The following ZNF484 variants were observed in gnomAD, a reference collection of about 807,000 sequenced individuals.
The protein encoded by ZNF484 is zinc finger protein 484.
A neutral mutation model predicts 12.9 loss-of-function variants in ZNF484; 11 were observed. The observed-to-expected ratio is 0.85, with a 90% CI of 0.54 to 1.41. The LOEUF (loss-of-function observed/expected upper bound fraction) is 1.41, where lower values mean the gene tolerates loss of function less well. Among genes scored for constraint, ZNF484 ranks in the 40% most tolerant of loss-of-function variants. ZNF484 has a pLI of 0.00. For missense variants in ZNF484, 807 were observed against 1,007.7 expected (o/e 0.80, Z 2.70); for synonymous variants, 289 against 334.1 (o/e 0.86, Z 1.47).
chr9:92,855,208 A>T (rs1220211219), intron 4 of ZNF484, among the ~76,000 whole-genome samples: 1 of 152,218 alleles, frequency 6.6e-6, no homozygotes, highest in African/African-American at 2.4e-5. Flanking sequence ...ATGAAAATAA[A>T]TAAATTAGAA....
rs949590824 is a variant in ZNF484, at chr9:92,844,506, C to T, written c.*1722G>A. 1.3e-4 allele frequency among the ~76,000 whole-genome samples: 20 copies of T among 152,108 alleles called. No individual in the cohort carries two copies. Among genetic ancestry groups the T allele is most frequent in the Admixed American group, 2.6e-4 (4 of 15,258 alleles). On this transcript the variant is annotated 3_prime_UTR_variant, in exon 5 of 5. Transcript: ENST00000375495. ...AGGATAAATACATGGAAAAATTACA[C>T]CTAGGCATATCAATGTGCAACAGTT...
At chr9:92,873,627 T>G (rs897011570) in intron 2 of ZNF484, among the ~76,000 whole-genome samples, 1 of 152,208 alleles carries the variant, frequency 6.6e-6, no homozygotes, top group African/African-American at 2.4e-5. Context: ...ACACAGTTTT[T>G]TCCAGAAAAC....
intron 2 of ZNF484, among the ~76,000 whole-genome samples, chr9:92,856,640 C>T (rs953412009): frequency 6.6e-6 from 1 of 152,180 alleles, no homozygotes. Context: ...TTACCTCACA[C>T]CCATCTGGAT....
chr9:92,849,334 T>C (rs1855916041), intron 4 of ZNF484, among the ~76,000 whole-genome samples: 2 of 151,908 alleles, frequency 1.3e-5, no homozygotes, highest in Admixed American at 6.6e-5. Flanking sequence ...CAAATGTACA[T>C]AAGTATTTTA....
At chr9:92,855,977 A>G in intron 3 of ZNF484, 74 bp from the exon 4 acceptor site, 4 of 1,537,574 alleles carry the variant, frequency 2.6e-6, no homozygotes, top group Non-Finnish European at 2.7e-6. Flanking sequence ...TTCCCAAAAA[A>G]GTTCACTGGG....
intron 1 of ZNF484, among the ~76,000 whole-genome samples, chr9:92,875,920 T>C (rs1244974497): frequency 6.6e-6 from 1 of 152,204 alleles, no homozygotes; most frequent in Non-Finnish European, 1.5e-5. Flanking sequence ...AAACTCTTCA[T>C]CTGCAGTACT....
In ZNF484 at chr9:92,847,341, A is replaced by G. The variant is rs1389935682; in HGVS notation, c.1446T>C (p.Asn482=). Residue 482 remains asparagine (N), a synonymous_variant, in exon 5 of 5, where the codon AAT becomes AAC. Transcript: ENST00000375495. ...TATGAATTTTCTGGTGTATAATGAG[A>G]TTTGTCTTGTGAGTGAAGACCTTCC... The part of the protein sequence containing the change: ...ECGKVFTHKT[N]LIIHQKIHTG... The G allele has an allele frequency of 1.2e-6, 2 of 1,613,528 alleles. No homozygotes were observed. The highest frequency in any genetic ancestry group is 1.7e-6 in the Non-Finnish European group (2 of 1,179,894).
chr9:92,846,556 C>T lies in ZNF484; in HGVS notation c.2231G>A (p.Gly744Glu). The T allele has an allele frequency of 6.2e-7, 1 of 1,613,988 alleles. No individual in the cohort carries two copies. The highest frequency in any genetic ancestry group is 8.5e-7 in the Non-Finnish European group (1 of 1,179,964). ...GTCACTGCATTCATAGGGTTTCTCTCCAGTATGAATTCTCCTGTGTCTATT... is the reference window on the plus strand; with the variant it reads ...GTCACTGCATTCATAGGGTTTCTCTTCAGTATGAATTCTCCTGTGTCTATT... ...HLNRHRRIHT[G>E]EKPYECSDCG... Residue 744 changes from glycine to glutamate, a missense_variant, in exon 5 of 5, where the codon GGA becomes GAA. Physicochemically the swap from Gly to Glu is moderately conservative, Grantham distance 98. Transcript: ENST00000375495.
chr9:92,849,804 T>C (rs929242065), intron 4 of ZNF484, among the ~76,000 whole-genome samples: 3 of 151,802 alleles, frequency 2.0e-5, no homozygotes, highest in Non-Finnish European at 4.4e-5. Context: ...CTCTCTCTTT[T>C]TTTTTTTTCT....
chr9:92,852,159 G>T (rs1244655126), intron 4 of ZNF484, among the ~76,000 whole-genome samples: 2 of 152,150 alleles, frequency 1.3e-5, no homozygotes, highest in Non-Finnish European at 2.9e-5. Flanking sequence ...AAGAGTAAAA[G>T]CCTCAGTTAT....
At chr9:92,862,899 A>C (rs1856856903) in intron 2 of ZNF484, among the ~76,000 whole-genome samples, 1 of 152,202 alleles carries the variant, frequency 6.6e-6, no homozygotes, top group Non-Finnish European at 1.5e-5. Flanking sequence ...CATTTGACCC[A>C]GCAATCCCAT....
Position 92,848,954 on chromosome 9 carries a change from TAAAA to T in ZNF484, c.236-407_236-404del, listed in dbSNP as rs951256703. Among the ~76,000 whole-genome samples the T allele has an allele frequency of 1.5e-5, 2 of 135,580 alleles. No homozygotes were observed. Among genetic ancestry groups the T allele is most frequent in the African/African-American group, 5.3e-5 (2 of 37,564 alleles). 88.9% of individuals were successfully genotyped at this position (135,580 alleles called of 152,430 possible). On this transcript the variant is annotated intron_variant, in intron 4 of 4. Transcript: ENST00000375495. The surrounding 1 kb of genome is among the most constrained non-coding windows in gnomAD (Gnocchi z 4.1). The stretch of plus-strand genomic sequence containing the variant: ...ATAAATAAATAAATAAATAAATAAA[TAAAA>T]ATACAATAGACCTTTGATTCAGGCC...
In ZNF484 at chr9:92,847,876, A is replaced by G; in HGVS notation, c.911T>C (p.Ile304Thr). 6.2e-7 allele frequency: 1 copy of G among 1,614,176 alleles called. No individual in the cohort carries two copies. Among genetic ancestry groups the G allele is most frequent in the Non-Finnish European group, 8.5e-7 (1 of 1,180,030 alleles). ...LDGSQRVYAG[I>T]CTEYEKDFSL... ...AAAATCCTTCTCATATTCAGTGCAT[A>G]TTCCTGCATAAACCCTCTGACTGCC... The change falls in exon 5 of 5, where the codon ATA (isoleucine) becomes ACA (threonine). Residue 304 changes from isoleucine to threonine, a missense_variant. Physicochemically the swap from Ile to Thr is moderately conservative, Grantham distance 89 (BLOSUM62 -1). Coordinates refer to ENST00000375495, the MANE Select transcript of ZNF484 (RefSeq NM_031486.4).
intron 2 of ZNF484, among the ~76,000 whole-genome samples, chr9:92,874,511 C>T (rs1587774152): frequency 1.3e-5 from 2 of 152,096 alleles, no homozygotes; most frequent in South Asian, 4.2e-4. Context: ...GGGGTTTCAC[C>T]TTGTTGGCCA....
intron 2 of ZNF484, among the ~76,000 whole-genome samples, chr9:92,861,287 GAAATC>G (rs2118038332): frequency 6.6e-6 from 1 of 152,208 alleles, no homozygotes; most frequent in South Asian, 2.1e-4. Context: ...AAGAAAATCT[GAAATC>G]AAATGAGAAA....
At chr9:92,870,863 C>T (rs1220579989) in intron 2 of ZNF484, among the ~76,000 whole-genome samples, 1 of 152,212 alleles carries the variant, frequency 6.6e-6, no homozygotes, top group Non-Finnish European at 1.5e-5. Flanking sequence ...TGAGGTGTCT[C>T]TCTCCCCACA....
intron 2 of ZNF484, among the ~76,000 whole-genome samples, chr9:92,874,310 C>CTTTTTTTTTTTTTTTTTT (rs34348573): frequency 7.3e-6 from 1 of 137,548 alleles, no homozygotes; most frequent in African/African-American, 2.7e-5. Context: ...TTCTTTCTTT[C>CTTTTTTTTTTTTTTTTTT]TTTTTTTTTT....
rs1855856264 is a variant in ZNF484 at position 92,848,582 on chromosome 9, A to G, written c.236-31T>C. On this transcript the variant is annotated intron_variant, in intron 4 of 4. Transcript: ENST00000375495. This position sits in a 1 kb window ranked among gnomAD's most constrained non-coding sequence, Gnocchi z 4.1. ...AAAGAAAGAAAAGATAAGACTGACA[A>G]AAAGAACAATTAACAGAAAATAAGG... 10 of 1,534,582 alleles carry G rather than the reference A, an allele frequency of 6.5e-6. No individual in the cohort carries two copies. The highest frequency in any genetic ancestry group is 2.3e-5 in the East Asian group (1 of 44,216).
Position 92,846,224 on chromosome 9 carries a change from C to T in ZNF484, c.*4G>A. The T allele has an allele frequency of 6.2e-7, 1 of 1,610,170 alleles. No individual in the cohort carries two copies. Among genetic ancestry groups the T allele is most frequent in the Non-Finnish European group, 8.5e-7 (1 of 1,178,296 alleles). ...CTATATGATCCAGATGTTCATAATT[C>T]TAACTAGATAGAAGAAAGTTGGCCT... On this transcript the variant is annotated 3_prime_UTR_variant, in exon 5 of 5. Transcript: ENST00000375495.
Sources: gnomAD v4.1 joint callset for allele counts (sites outside exome capture counted in the v4.1 genomes callset) on GRCh38, gnomAD v4.1.1 for gene constraint, Gnocchi (gnomAD v3.1) non-coding constraint, MANE v1.5 for transcripts, NCBI Gene and HGNC (gene_info 2026-07-23, HGNC 2026-07-21) for gene names.